LIN54: variants seen among roughly 807,000 people sequenced by gnomAD.
LIN54 encodes protein lin-54 homolog.
Under a neutral mutation model 78.7 loss-of-function variants are expected in LIN54, and 9 were observed. The observed-to-expected ratio is 0.11, with a 90% confidence interval of 0.07 to 0.20. LIN54 has a LOEUF of 0.20. Among genes scored for constraint, LIN54 ranks in the 10% least tolerant of loss-of-function variants. LIN54 has a pLI of 1.00. For missense variants in LIN54, 573 were observed against 889.9 expected (o/e 0.64, Z 4.53); for synonymous variants, 269 against 318.4 (o/e 0.84, Z 1.65).
intron 3 of LIN54, 101 bp downstream of exon 3, chr4:82,978,782 C>T: frequency 1.5e-6 from 1 of 649,648 alleles, no homozygotes; most frequent in Non-Finnish European, 2.5e-6. Flanking sequence ...TAATAATAAG[C>T]TATATTTGTT....
intron 11 of LIN54, among the ~76,000 whole-genome samples, chr4:82,934,400 C>T (rs567638370): frequency 2.2e-4 from 34 of 152,210 alleles, no homozygotes; most frequent in African/African-American, 8.2e-4. Context: ...GGCGAGACTC[C>T]GTCTCAAAAA....
chr4:82,984,144 C>A lies in LIN54; in HGVS notation c.684+17G>T. 1.3e-6 allele frequency: 2 copies of A among 1,526,964 alleles called. No homozygotes were observed. The highest frequency in any genetic ancestry group is 1.8e-6 in the Non-Finnish European group (2 of 1,130,828). The allele number at this position is 1,526,964 out of a possible 1,614,324, so 94.6% of individuals were successfully genotyped here. On this transcript the variant is annotated intron_variant, in intron 2 of 12. Transcript: ENST00000340417. ...TAAACATGCATTTTAATTAGTAAGC[C>A]CCCTTTTTTCTTTTACCTGTACTGT...
At chr4:82,975,602 T>C (rs1560764086) in intron 3 of LIN54, among the ~76,000 whole-genome samples, 1 of 150,968 alleles carries the variant, frequency 6.6e-6, no homozygotes, top group Non-Finnish European at 1.5e-5. Flanking sequence ...ATCCCAGCTA[T>C]TCAGGAGGCT....
At chr4:82,993,606 G>A (rs1289689805) in intron 1 of LIN54, among the ~76,000 whole-genome samples, 2 of 151,730 alleles carry the variant, frequency 1.3e-5, no homozygotes, top group Non-Finnish European at 2.9e-5. Flanking sequence ...ACCTAAAAAT[G>A]GTTTTTTGTT....
intron 11 of LIN54, among the ~76,000 whole-genome samples, chr4:82,934,973 G>C (rs1458925658): frequency 6.6e-6 from 1 of 152,124 alleles, no homozygotes; most frequent in Non-Finnish European, 1.5e-5. Context: ...TCAGAGCAGA[G>C]TTTCAACTAC....
At chr4:83,006,516 G>A (rs954571665) in intron 1 of LIN54, among the ~76,000 whole-genome samples, 1 of 150,574 alleles carries the variant, frequency 6.6e-6, no homozygotes, top group African/African-American at 2.4e-5. Context: ...TGGGTGACAG[G>A]ACCATTCATA....
At position 82,926,204 on chromosome 4, in the gene LIN54, C is replaced by A. The variant is rs1038630796; in HGVS notation, c.*1898G>T. ...AATTAGAATTAACACAGAGTATGTA[C>A]AAAATGAACAAAGTTTAAGTTTAGA... is the stretch of plus-strand genomic sequence containing the variant. On this transcript the variant is annotated 3_prime_UTR_variant, in exon 13 of 13. Coordinates refer to ENST00000340417, the MANE Select transcript of LIN54 (RefSeq NM_194282.4). 2.6e-5 allele frequency: 4 copies of A among 152,322 alleles called. No individual in the cohort carries two copies. Among genetic ancestry groups the A allele is most frequent in the Non-Finnish European group, 1.5e-5 (1 of 67,974 alleles). 9.4% of individuals were successfully genotyped at this position (152,322 alleles called of 1,614,324 possible). A position where few individuals can be genotyped will look rare whatever the true frequency, so the allele number is the denominator to read the frequency against.
chr4:83,008,628 CGCCACTGCACTCTAGCCTGG>C (rs1235850071), intron 1 of LIN54, among the ~76,000 whole-genome samples: 2 of 151,964 alleles, frequency 1.3e-5, no homozygotes, highest in Non-Finnish European at 2.9e-5. Context: ...CTCTAGCCTG[CGCCACTGCACTCTAGCCTGG>C]GCGACAGAGT....
chr4:82,988,849 A>G (rs977322016), intron 1 of LIN54, among the ~76,000 whole-genome samples: 9 of 152,124 alleles, frequency 5.9e-5, no homozygotes, highest in African/African-American at 1.7e-4. Flanking sequence ...GTCTGTCTGT[A>G]TATCTTCCTT....
chr4:82,964,716 A>T (rs1023618470), intron 4 of LIN54, among the ~76,000 whole-genome samples: 4 of 151,136 alleles, frequency 2.6e-5, no homozygotes. Context: ...TTGCTCAAAA[A>T]AAAAGAAAAA....
At chr4:82,942,855 C>CGT (rs571329575) in intron 5 of LIN54, among the ~76,000 whole-genome samples, 1 of 61,948 alleles carries the variant, frequency 1.6e-5, no homozygotes, top group Admixed American at 1.2e-4. Context: ...TGTGCGTGTG[C>CGT]GCGCGCACAC....
Position 82,939,916 on chromosome 4 carries a change from T to C in LIN54, c.1215A>G (p.Pro405=). The C allele has an allele frequency of 6.2e-7, 1 of 1,612,552 alleles. No individual in the cohort carries two copies. The highest frequency in any genetic ancestry group is 1.1e-5 in the South Asian group (1 of 90,594). ...VNTTPVRMSV[P]IVSAQAVKQV... ...GTTTGACAGCCTGAGCTGAGACAATTGGAACTGACATCCGCACTGGGGTTG... is the reference window on the plus strand; with the variant it reads ...GTTTGACAGCCTGAGCTGAGACAATCGGAACTGACATCCGCACTGGGGTTG... The change falls in exon 6 of 13, where the codon CCA becomes CCG. Residue 405 remains proline (P), a synonymous_variant. Transcript: ENST00000340417.
rs370259790 is a variant in LIN54 at position 82,946,240 on chromosome 4, T to A, written c.1168+18A>T. The A allele has an allele frequency of 1.3e-6, 2 of 1,587,918 alleles. No homozygotes were observed. The highest frequency in any genetic ancestry group is 1.7e-6 in the Non-Finnish European group (2 of 1,156,224). On this transcript the variant is annotated intron_variant, in intron 5 of 12. Coordinates refer to ENST00000340417, the MANE Select transcript of LIN54 (RefSeq NM_194282.4). ...TGTTAAAAGCATGAATTACTGTTTT[T>A]AAAAAATGGTTACTAACCTTGCTGA...
intron 1 of LIN54, among the ~76,000 whole-genome samples, chr4:82,995,489 C>CTTTTTTTTTTTTTTTTTTTTTTTTTT (rs749880882): frequency 1.3e-5 from 1 of 76,348 alleles, no homozygotes; most frequent in African/African-American, 5.0e-5. Context: ...ATCCTTATCT[C>CTTTTTTTTTTTTTTTTTTTTTTTTTT]TTTTTTTTTT....
At chr4:83,003,898 T>A (rs1729074991) in intron 1 of LIN54, among the ~76,000 whole-genome samples, 1 of 152,148 alleles carries the variant, frequency 6.6e-6, no homozygotes, top group Admixed American at 6.5e-5. Flanking sequence ...TTCTGGATCA[T>A]CTGAATAACC....
In LIN54 at chr4:82,938,339, G is replaced by A. The variant is rs1722558477; in HGVS notation, c.1532+74C>T. 4.8e-6 allele frequency: 4 copies of A among 833,972 alleles called. No homozygotes were observed. The Admixed American group carries it at 6.0e-5, about 13-fold the overall frequency. The allele number at this position is 833,972 out of a possible 1,614,324, so 51.7% of individuals were successfully genotyped here. ...GGGGAAAAAAATAAAAGAGGATGTA[G>A]TTTGGAATATATATATTTACTGTTG... On this transcript the variant is annotated intron_variant, in intron 8 of 12. Transcript: ENST00000340417.
chr4:82,983,157 G>C (rs549505791), intron 2 of LIN54, among the ~76,000 whole-genome samples: 2 of 151,970 alleles, frequency 1.3e-5, no homozygotes, highest in African/African-American at 2.4e-5. Flanking sequence ...ATAGGCACTC[G>C]CCACCATGCC....
intron 1 of LIN54, among the ~76,000 whole-genome samples, chr4:82,997,180 G>A (rs1414239750): frequency 1.3e-5 from 2 of 152,072 alleles, no homozygotes; most frequent in Non-Finnish European, 2.9e-5. Context: ...TAGAGAAGGA[G>A]TGTCACCTAA....
At chr4:83,004,119 C>T (rs990356490) in intron 1 of LIN54, among the ~76,000 whole-genome samples, 9 of 151,906 alleles carry the variant, frequency 5.9e-5, no homozygotes, top group East Asian at 1.9e-4. Context: ...GAAAACAGGC[C>T]GGGTGCGGTG....
Sources: gnomAD v4.1 joint callset for allele counts (sites outside exome capture counted in the v4.1 genomes callset) on GRCh38, gnomAD v4.1.1 for gene constraint, MANE v1.5 for transcripts, NCBI Gene and HGNC (gene_info 2026-07-23, HGNC 2026-07-21) for gene names.